SLC9A5: variants seen among roughly 807,000 people sequenced by gnomAD.
SLC9A5 encodes the protein solute carrier family 9 member A5, also known as sodium/hydrogen exchanger 5.
Under a neutral mutation model 91.7 loss-of-function variants are expected in SLC9A5, and 52 were observed. That is an observed-to-expected ratio of 0.57 (90% CI 0.45 to 0.71). The LOEUF (loss-of-function observed/expected upper bound fraction) is 0.71. SLC9A5 is among the 30% of genes least tolerant of loss of function. The pLI, the probability that SLC9A5 is intolerant of heterozygous loss-of-function variation, is 0.00. For missense variants in SLC9A5, 871 were observed against 1,158.9 expected, an observed-to-expected ratio of 0.75 and a Z score of 3.61; for synonymous variants, 419 against 474.5, an observed-to-expected ratio of 0.88 and a Z score of 1.52.
intron 15 of SLC9A5, among the ~76,000 whole-genome samples, chr16:67,266,746 G>A (rs1451301730): frequency 6.6e-6 from 1 of 151,800 alleles, no homozygotes; most frequent in Non-Finnish European, 1.5e-5. Context: ...TCACCATGTT[G>A]GCCAGGCTGG....
chr16:67,249,844 C>T (rs563088477), intron 1 of SLC9A5, among the ~76,000 whole-genome samples: 1 of 152,318 alleles, frequency 6.6e-6, no homozygotes, highest in African/African-American at 2.4e-5. Flanking sequence ...GCTGTCTACC[C>T]TAGATGCTTT....
Position 67,258,589 on chromosome 16 carries a change from C to A in SLC9A5, c.1626+142C>A. ...GCTCCATGGTCTGGTGAAGTGGCAGCGGCAGGAAGCAGCTGGGTCTGGTGC... is the reference window on the plus strand; with the variant it reads ...GCTCCATGGTCTGGTGAAGTGGCAGAGGCAGGAAGCAGCTGGGTCTGGTGC... On this transcript the variant is annotated intron_variant, in intron 10 of 15. Transcript: ENST00000299798. The surrounding 1 kb of genome is among the most constrained non-coding windows in gnomAD (Gnocchi z 4.5). 6 of 958,118 alleles carry A rather than the reference C, an allele frequency of 6.3e-6. No homozygotes were observed. The highest frequency in any genetic ancestry group is 9.5e-6 in the Non-Finnish European group (6 of 628,768). 59.4% of individuals were successfully genotyped at this position (958,118 alleles called of 1,614,324 possible). A position where few individuals can be genotyped will look rare whatever the true frequency, so the allele number is the denominator to read the frequency against.
chr16:67,265,284 G>A (rs981747063), intron 14 of SLC9A5, 178 bp downstream of exon 14: 4 of 614,014 alleles, frequency 6.5e-6, no homozygotes, highest in African/African-American at 3.7e-5. Context: ...TAGACAATGC[G>A]TGACAGGAGG....
chr16:67,267,888 T>C (rs2035770844), intron 15 of SLC9A5, among the ~76,000 whole-genome samples: 1 of 152,186 alleles, frequency 6.6e-6, no homozygotes, highest in African/African-American at 2.4e-5. Context: ...TACCTACTCA[T>C]AGCCAATCTT....
In SLC9A5 at chr16:67,270,590, T is replaced by C; in HGVS notation, c.2219-148T>C. On this transcript the variant is annotated intron_variant, in intron 15 of 15. Coordinates refer to ENST00000299798, the MANE Select transcript of SLC9A5 (RefSeq NM_004594.3). The surrounding 1 kb of genome is among the most constrained non-coding windows in gnomAD (Gnocchi z 4.3). ...GGATAGAGTGGAGAGTAAAACAAGC[T>C]GTGGTACTTCGCCTCAGCAAGACAT... is the stretch of plus-strand genomic sequence containing the variant. 2 of 603,318 alleles carry C rather than the reference T, an allele frequency of 3.3e-6. No homozygotes were observed. Among genetic ancestry groups the C allele is most frequent in the East Asian group, 2.8e-5 (1 of 35,986 alleles). The allele number at this position is 603,318 out of a possible 1,614,324, so 37.4% of individuals were successfully genotyped here.
At position 67,256,560 on chromosome 16, in the gene SLC9A5, C is replaced by G. The variant is rs753449474; in HGVS notation, c.1003C>G (p.Leu335Val). Residue 335 changes from leucine (L) to valine (V), a missense_variant, in exon 6 of 16, where the codon CTA becomes GTA. This residue lies in a region of SLC9A5 where 454 missense variants were observed against 718.3 expected (regional missense o/e 0.63). Coordinates refer to ENST00000299798, the MANE Select transcript of SLC9A5 (RefSeq NM_004594.3). The surrounding 1 kb of genome is among the most constrained non-coding windows in gnomAD (Gnocchi z 4.1). Reference sequence around the variant, plus strand: ...AACTGTCAAATATACAATGAAGACTCTAGCCAGCTGTGCTGAGACCGTGAT... The same window carrying G: ...AACTGTCAAATATACAATGAAGACTGTAGCCAGCTGTGCTGAGACCGTGAT... Reference protein sequence around the residue: ...RTTVKYTMKTLASCAETVIFM... With the variant: ...RTTVKYTMKTVASCAETVIFM... 57 of 1,613,852 alleles carry G rather than the reference C, an allele frequency of 3.5e-5. No homozygotes were observed. The highest frequency in any genetic ancestry group is 4.5e-5 in the Non-Finnish European group (53 of 1,179,886).
At chr16:67,265,769 A>C (rs1202586026) in intron 14 of SLC9A5, among the ~76,000 whole-genome samples, 1 of 152,326 alleles carries the variant, frequency 6.6e-6, no homozygotes, top group African/African-American at 2.4e-5. Context: ...CCTTCCAGCA[A>C]TCCAAGTGCT....
At position 67,255,515 on chromosome 16, in the gene SLC9A5, C is replaced by T. The variant is rs1292112822; in HGVS notation, c.733+44C>T. The T allele has an allele frequency of 6.3e-7, 1 of 1,593,270 alleles. No individual in the cohort carries two copies. The highest frequency in any genetic ancestry group is 1.3e-5 in the African/African-American group (1 of 74,502). ...CCAGCTGGCATTGGAGGTCTGCCTC[C>T]CCTGGGTTGCTGAGGCCCTCCCACC... On this transcript the variant is annotated intron_variant, in intron 4 of 15. Transcript: ENST00000299798. The surrounding 1 kb of genome is among the most constrained non-coding windows in gnomAD (Gnocchi z 4.9).
In SLC9A5 at chr16:67,256,708, G is replaced by C; in HGVS notation, c.1132+19G>C. The C allele has an allele frequency of 6.3e-7, 1 of 1,581,280 alleles. No individual in the cohort carries two copies. Among genetic ancestry groups the C allele is most frequent in the Non-Finnish European group, 8.7e-7 (1 of 1,153,040 alleles). Reference sequence around the variant, plus strand: ...GCCCTCGGTATTGCTGGCACCCTCTGCTTTCCCACTCTCCTTCCTGTCCCG... The same window carrying C: ...GCCCTCGGTATTGCTGGCACCCTCTCCTTTCCCACTCTCCTTCCTGTCCCG... On this transcript the variant is annotated intron_variant, in intron 6 of 15. Transcript: ENST00000299798. The surrounding 1 kb of genome is among the most constrained non-coding windows in gnomAD (Gnocchi z 4.1).
rs774656218 is a variant in SLC9A5, at chr16:67,258,376, C to T, written c.1555C>T (p.Arg519Cys). 6.2e-6 allele frequency: 10 copies of T among 1,614,026 alleles called. No homozygotes were observed. The highest frequency in any genetic ancestry group is 1.7e-5 in the Admixed American group (1 of 60,008). Residue 519 changes from arginine (R) to cysteine (C), a missense_variant, in exon 10 of 16, where the codon CGC becomes TGC. Transcript: ENST00000299798. This position sits in a 1 kb window ranked among gnomAD's most constrained non-coding sequence, Gnocchi z 4.5. ...GCTGCTGATGCGACGATCAGCCTACCGCATCCGGGACCAGATCTGGGATGT... is the reference window on the plus strand; with the variant it reads ...GCTGCTGATGCGACGATCAGCCTACTGCATCCGGGACCAGATCTGGGATGT... ...SQLLMRRSAY[R>C]IRDQIWDVYY... is the part of the protein sequence containing the mutation.
chr16:67,255,543 G>A lies in SLC9A5; in HGVS notation c.733+72G>A, dbSNP rs776991939. 10 of 1,468,354 alleles carry A rather than the reference G, an allele frequency of 6.8e-6. No homozygotes were observed. Among genetic ancestry groups the A allele is most frequent in the Admixed American group, 1.7e-5 (1 of 59,368 alleles). 91.0% of individuals were successfully genotyped at this position (1,468,354 alleles called of 1,614,324 possible). ...TGGGTTGCTGAGGCCCTCCCACCCCGCATCAGGACAGAAGAGGCTATTCGG... is the reference window on the plus strand; with the variant it reads ...TGGGTTGCTGAGGCCCTCCCACCCCACATCAGGACAGAAGAGGCTATTCGG... On this transcript the variant is annotated intron_variant, in intron 4 of 15. Coordinates refer to ENST00000299798, the MANE Select transcript of SLC9A5 (RefSeq NM_004594.3). The surrounding 1 kb of genome is among the most constrained non-coding windows in gnomAD (Gnocchi z 4.9).
intron 1 of SLC9A5, among the ~76,000 whole-genome samples, chr16:67,250,269 G>A (rs961038069): frequency 2.6e-5 from 4 of 152,172 alleles, no homozygotes; most frequent in East Asian, 1.9e-4. Context: ...TATGCCTTCC[G>A]GGAGCGTGGT....
At chr16:67,261,258 C>T (rs900631853) in intron 12 of SLC9A5, 1 of 152,256 alleles carries the variant, frequency 6.6e-6, no homozygotes, top group East Asian at 1.9e-4. Flanking sequence ...ACCCTGGGGC[C>T]CCACATTGTC....
Position 67,257,153 on chromosome 16 carries a change from C to A in SLC9A5, c.1335+40C>A, listed in dbSNP as rs774906566. ...AAGGCTGGGTAGGGAGAGGGTTGGG[C>A]AGGCCCTGGGGGAGTCTTGGAGCCT... On this transcript the variant is annotated intron_variant, in intron 7 of 15. Transcript: ENST00000299798. This position sits in a 1 kb window ranked among gnomAD's most constrained non-coding sequence, Gnocchi z 5.1. 4 of 1,573,940 alleles carry A rather than the reference C, an allele frequency of 2.5e-6. No individual in the cohort carries two copies. Among genetic ancestry groups the A allele is most frequent in the Non-Finnish European group, 3.5e-6 (4 of 1,156,714 alleles).
At chr16:67,259,786 C>A (rs758417713) in intron 11 of SLC9A5, 34 bp from the exon 12 acceptor site, 2 of 1,610,458 alleles carry the variant, frequency 1.2e-6, no homozygotes, top group Non-Finnish European at 8.5e-7. Context: ...CCTCCTGCCC[C>A]CTCTCCAGCA....
At chr16:67,267,273 A>T (rs2035753588) in intron 15 of SLC9A5, among the ~76,000 whole-genome samples, 1 of 151,380 alleles carries the variant, frequency 6.6e-6, no homozygotes, top group South Asian at 2.1e-4. Flanking sequence ...TTTAGTAGAG[A>T]TGGGGTGTCT....
At position 67,257,994 on chromosome 16, in the gene SLC9A5, C is replaced by T. The variant is rs1208782397; in HGVS notation, c.1497-324C>T. Among the ~76,000 whole-genome samples, 1 of 152,256 alleles carries T rather than the reference C, an allele frequency of 6.6e-6. No homozygotes were observed. Among genetic ancestry groups the T allele is most frequent in the South Asian group, 2.1e-4 (1 of 4,838 alleles). ...CAGCTTCGATTCATCCTTCACAACTCACCATAGGCTTCAATTCCTTAGGGA... is the reference window on the plus strand; with the variant it reads ...CAGCTTCGATTCATCCTTCACAACTTACCATAGGCTTCAATTCCTTAGGGA... On this transcript the variant is annotated intron_variant, in intron 9 of 15. Coordinates refer to ENST00000299798, the MANE Select transcript of SLC9A5 (RefSeq NM_004594.3). This position sits in a 1 kb window ranked among gnomAD's most constrained non-coding sequence, Gnocchi z 5.1.
At position 67,255,964 on chromosome 16, in the gene SLC9A5, G is replaced by A; in HGVS notation, c.911+34G>A. Reference sequence around the variant, plus strand: ...TGGGGGCCTTGCAGGCAGATAGCTGGGAGGGGGCACTGGAGATGGTTGCCC... The same window carrying A: ...TGGGGGCCTTGCAGGCAGATAGCTGAGAGGGGGCACTGGAGATGGTTGCCC... On this transcript the variant is annotated intron_variant, in intron 5 of 15. Coordinates refer to ENST00000299798, the MANE Select transcript of SLC9A5 (RefSeq NM_004594.3). The surrounding 1 kb of genome is among the most constrained non-coding windows in gnomAD (Gnocchi z 4.9). 2 of 1,602,838 alleles carry A rather than the reference G, an allele frequency of 1.2e-6. No individual in the cohort carries two copies. The highest frequency in any genetic ancestry group is 2.2e-5 in the South Asian group (2 of 89,716).
At chr16:67,266,469 TA>T (rs1311453137) in intron 15 of SLC9A5, among the ~76,000 whole-genome samples, 1 of 152,216 alleles carries the variant, frequency 6.6e-6, no homozygotes, top group African/African-American at 2.4e-5. Flanking sequence ...CAGCATCACA[TA>T]GTAGAACCAG....
Sources: allele counts gnomAD v4.1 joint callset (sites outside exome capture counted in the v4.1 genomes callset), GRCh38; gene constraint gnomAD v4.1.1; regional missense constraint gnomAD v4.1.1; non-coding constraint Gnocchi (gnomAD v3.1); transcripts MANE v1.5; gene names NCBI Gene and HGNC (gene_info 2026-07-23, HGNC 2026-07-21).